Variants in CCR1 observed in about 807,000 individuals in gnomAD.
The protein encoded by CCR1 is C-C chemokine receptor type 1.
A neutral mutation model predicts 0.3 loss-of-function variants in CCR1; 1 was observed. The observed-to-expected ratio is 3.70, with a 90% CI of 1.31 to 17.54. The LOEUF (loss-of-function observed/expected upper bound fraction) is 17.54. Ranked by LOEUF, CCR1 falls within the 30% of genes most tolerant of loss-of-function variation. The pLI is 0.11. For synonymous variants in CCR1, 207 were observed against 182.5 expected (o/e 1.13, Z -1.08); for missense variants, 349 against 435.4 (o/e 0.80, Z 1.77).
chr3:46,205,566 T>C (rs951835015), intron 1 of CCR1, among the ~76,000 whole-genome samples: 3 of 152,214 alleles, frequency 2.0e-5, no homozygotes, highest in African/African-American at 7.2e-5. Flanking sequence ...ACTTGAATCC[T>C]TTCCAGTTGC....
In CCR1 at chr3:46,203,300, C is replaced by T. The variant is rs150288365; in HGVS notation, c.1014G>A (p.Arg338=). The part of the protein sequence containing the change: ...LPFLSVDRLE[R]VSSTSPSTGE... ...CTGTGGAGGGAGATGTGGAGCTGAC[C>T]CTCTCCAGCCTGTCCACGGAGAGGA... The change falls in exon 2 of 2, where the codon AGG becomes AGA. Residue 338 remains arginine (R), a synonymous_variant. Coordinates refer to ENST00000296140, the MANE Select transcript of CCR1 (RefSeq NM_001295.3). The surrounding 1 kb of genome is among the most constrained non-coding windows in gnomAD (Gnocchi z 4.5). 3.6e-4 allele frequency: 574 copies of T among 1,614,124 alleles called. 4 individuals are homozygous for T. In the African/African-American group the frequency reaches 6.7e-3, roughly 19 times the overall value.
chr3:46,204,270 T>A lies in CCR1; in HGVS notation c.44A>T (p.Glu15Val), dbSNP rs1699627224. The A allele has an allele frequency of 6.2e-7, 1 of 1,612,140 alleles. No individual in the cohort carries two copies. Among genetic ancestry groups the A allele is most frequent in the Non-Finnish European group, 8.5e-7 (1 of 1,179,212 alleles). The part of the protein sequence containing the change: ...NTTEDYDTTT[E>V]FDYGDATPCQ... Reference sequence around the variant, plus strand: ...CGGAGTTGCATCCCCATAGTCAAACTCTGTGGTCGTGTCATAGTCCTCTGT... The same window carrying A: ...CGGAGTTGCATCCCCATAGTCAAACACTGTGGTCGTGTCATAGTCCTCTGT... The change falls in exon 2 of 2, where the codon GAG (glutamate) becomes GTG (valine). Residue 15 changes from glutamate (E) to valine (V), a missense_variant. Coordinates refer to ENST00000296140, the MANE Select transcript of CCR1 (RefSeq NM_001295.3).
At position 46,207,117 on chromosome 3, in the gene CCR1, G is replaced by A. The variant is rs571907155; in HGVS notation, c.-12+1165C>T. On this transcript the variant is annotated intron_variant, in intron 1 of 1. Transcript: ENST00000296140. ...GAAAATCAACAAATGTTATAAAGCAGGGATCTTTTCTTCAGAAGAGTCAGT... is the reference window on the plus strand; with the variant it reads ...GAAAATCAACAAATGTTATAAAGCAAGGATCTTTTCTTCAGAAGAGTCAGT... 2.3e-4 allele frequency among the ~76,000 whole-genome samples: 35 copies of A among 152,300 alleles called. No homozygotes were observed. The South Asian group carries it at 7.1e-3, about 31-fold the overall frequency.
Position 46,202,553 on chromosome 3 carries a change from T to G in CCR1, c.*693A>C, listed in dbSNP as rs1416609511. 1.3e-5 allele frequency: 2 copies of G among 152,200 alleles called. No homozygotes were observed. Among genetic ancestry groups the G allele is most frequent in the Non-Finnish European group, 1.5e-5 (1 of 68,040 alleles). 9.4% of individuals were successfully genotyped at this position (152,200 alleles called of 1,614,324 possible). ...TTGATTTTAGTGGATATAAAAATTC[T>G]TCCTAAGGGCTTTCTTAGTTCCACT... is the stretch of plus-strand genomic sequence containing the variant. On this transcript the variant is annotated 3_prime_UTR_variant, in exon 2 of 2. Transcript: ENST00000296140.
In CCR1 at chr3:46,203,476, C is replaced by G. The variant is rs1156985032; in HGVS notation, c.838G>C (p.Asp280His). The change falls in exon 2 of 2, where the codon GAC becomes CAC. Residue 280 changes from aspartate to histidine, a missense_variant. Asp to His is a moderately conservative substitution (Grantham distance 81, BLOSUM62 -1). Transcript: ENST00000296140. This position sits in a 1 kb window ranked among gnomAD's most constrained non-coding sequence, Gnocchi z 4.5. ...ACCTCCGTCACTTGCACAGCCAGGTCCAAATGTCTGCTCTGCTCACACTCA... is the reference window on the plus strand; with the variant it reads ...ACCTCCGTCACTTGCACAGCCAGGTGCAAATGTCTGCTCTGCTCACACTCA... ...THECEQSRHLDLAVQVTEVIA... is the reference protein window; with the variant it reads ...THECEQSRHLHLAVQVTEVIA... The G allele has an allele frequency of 6.2e-7, 1 of 1,614,120 alleles. No individual in the cohort carries two copies. Among genetic ancestry groups the G allele is most frequent in the Non-Finnish European group, 8.5e-7 (1 of 1,180,030 alleles).
In CCR1 at chr3:46,203,073, GC is replaced by G; in HGVS notation, c.*172del. 3.6e-6 allele frequency: 2 copies of G among 552,268 alleles called. No homozygotes were observed. Among genetic ancestry groups the G allele is most frequent in the Non-Finnish European group, 6.4e-6 (2 of 311,942 alleles). The allele number at this position is 552,268 out of a possible 1,614,324, so 34.2% of individuals were successfully genotyped here. A position where few individuals can be genotyped will look rare whatever the true frequency, so the allele number is the denominator to read the frequency against. On this transcript the variant is annotated 3_prime_UTR_variant, in exon 2 of 2. Coordinates refer to ENST00000296140, the MANE Select transcript of CCR1 (RefSeq NM_001295.3). The surrounding 1 kb of genome is among the most constrained non-coding windows in gnomAD (Gnocchi z 4.5). ...GGAGAAGTTCATGGAAAAGACTGAAGCCCCAGAAGCCTCAGAAGCCCCAGGC... is the reference window on the plus strand; with the variant it reads ...GGAGAAGTTCATGGAAAAGACTGAAGCCCAGAAGCCTCAGAAGCCCCAGGC...
Position 46,203,679 on chromosome 3 carries a change from A to G in CCR1, c.635T>C (p.Leu212Ser), listed in dbSNP as rs1294418724. 6.2e-7 allele frequency: 1 copy of G among 1,614,220 alleles called. No homozygotes were observed. Among genetic ancestry groups the G allele is most frequent in the Non-Finnish European group, 8.5e-7 (1 of 1,180,030 alleles). Residue 212 changes from leucine (L) to serine (S), a missense_variant, in exon 2 of 2, where the codon TTG becomes TCG. Transcript: ENST00000296140. The surrounding 1 kb of genome is among the most constrained non-coding windows in gnomAD (Gnocchi z 4.5). ...TGTGTAGCAGATGATCATGACCAAC[A>G]AAGGCAATACCAGCCCAAAGAGGTT... ...KLNLFGLVLPLLVMIICYTGI... is the reference protein window; with the variant it reads ...KLNLFGLVLPSLVMIICYTGI...
intron 1 of CCR1, among the ~76,000 whole-genome samples, chr3:46,205,659 C>T (rs1699641561): frequency 6.6e-6 from 1 of 152,152 alleles, no homozygotes; most frequent in South Asian, 2.1e-4. Context: ...TATTTTACCT[C>T]TCTGAGCTTC....
chr3:46,206,522 T>C (rs1304147379), intron 1 of CCR1, among the ~76,000 whole-genome samples: 2 of 152,206 alleles, frequency 1.3e-5, no homozygotes, highest in Non-Finnish European at 2.9e-5. Context: ...AGTGGAAGTA[T>C]GCAAATAGCT....
chr3:46,205,153 G>A (rs1699635832), intron 1 of CCR1, among the ~76,000 whole-genome samples: 1 of 152,152 alleles, frequency 6.6e-6, no homozygotes, highest in South Asian at 2.1e-4. Context: ...AAACACCAGT[G>A]GTGTTGCCAT....
intron 1 of CCR1, among the ~76,000 whole-genome samples, chr3:46,204,589 A>C (rs978707595): frequency 2.0e-4 from 30 of 152,190 alleles, no homozygotes; most frequent in African/African-American, 7.2e-4. Flanking sequence ...TCATTTCAGC[A>C]AAGAGTTTTG....
At chr3:46,206,885 C>T (rs542957132) in intron 1 of CCR1, among the ~76,000 whole-genome samples, 108 of 152,322 alleles carry the variant, frequency 7.1e-4, no homozygotes, top group Non-Finnish European at 1.2e-3. Flanking sequence ...ATCCTGGACC[C>T]TCCACTGCTA....
At position 46,203,737 on chromosome 3, in the gene CCR1, G is replaced by T; in HGVS notation, c.577C>A (p.Arg193=). 1 of 1,614,144 alleles carries T rather than the reference G, an allele frequency of 6.2e-7. No individual in the cohort carries two copies. The highest frequency in any genetic ancestry group is 2.2e-5 in the East Asian group (1 of 44,872). ...CSLHFPHESL[R]EWKLFQALKL... ...AGAGCCTGAAACAGCTTCCACTCTCGTAGGCTTTCGTGAGGAAAGTGAAGG... is the reference window on the plus strand; with the variant it reads ...AGAGCCTGAAACAGCTTCCACTCTCTTAGGCTTTCGTGAGGAAAGTGAAGG... The change falls in exon 2 of 2, where the codon CGA becomes AGA. Residue 193 remains arginine, a synonymous_variant. Transcript: ENST00000296140. This position sits in a 1 kb window ranked among gnomAD's most constrained non-coding sequence, Gnocchi z 4.5.
chr3:46,202,567 C>T lies in CCR1; in HGVS notation c.*679G>A, dbSNP rs1390393968. On this transcript the variant is annotated 3_prime_UTR_variant, in exon 2 of 2. Coordinates refer to ENST00000296140, the MANE Select transcript of CCR1 (RefSeq NM_001295.3). ...TATAAAAATTCTTCCTAAGGGCTTT[C>T]TTAGTTCCACTGCCAGCAGTAGTTC... 1 of 152,134 alleles carries T rather than the reference C, an allele frequency of 6.6e-6. No homozygotes were observed. The highest frequency in any genetic ancestry group is 1.5e-5 in the Non-Finnish European group (1 of 68,028). The allele number at this position is 152,134 out of a possible 1,614,324, so 9.4% of individuals were successfully genotyped here.
In CCR1 at chr3:46,203,384, C is replaced by T; in HGVS notation, c.930G>A (p.Lys310=). 1.9e-6 allele frequency: 3 copies of T among 1,614,186 alleles called. No homozygotes were observed. Among genetic ancestry groups the T allele is most frequent in the South Asian group, 1.1e-5 (1 of 91,084 alleles). ...GCCTGTGGAACAACTGCCGCAGGTA[C>T]TTCCGGAACCTCTCACCAACGAAGG... ...IYAFVGERFR[K]YLRQLFHRRV... Residue 310 remains lysine (K), a synonymous_variant, in exon 2 of 2, where the codon AAG becomes AAA. Transcript: ENST00000296140. The surrounding 1 kb of genome is among the most constrained non-coding windows in gnomAD (Gnocchi z 4.5).
chr3:46,204,334 A>T lies in CCR1; in HGVS notation c.-11-10T>A. 3.4e-5 allele frequency: 6 copies of T among 176,888 alleles called. No homozygotes were observed. The highest frequency in any genetic ancestry group is 4.3e-5 in the Non-Finnish European group (5 of 117,504). 11.0% of individuals were successfully genotyped at this position (176,888 alleles called of 1,614,324 possible). On this transcript the variant is annotated splice_polypyrimidine_tract_variant and intron_variant, in intron 1 of 1. Coordinates refer to ENST00000296140, the MANE Select transcript of CCR1 (RefSeq NM_001295.3). Reference sequence around the variant, plus strand: ...TCCATCCCGGCTTCTCCTACAGGTTAAAAAAAAAAAAAAGATTTGTCTTTA... The same window carrying T: ...TCCATCCCGGCTTCTCCTACAGGTTTAAAAAAAAAAAAAGATTTGTCTTTA...
chr3:46,205,601 G>T (rs899571827), intron 1 of CCR1, among the ~76,000 whole-genome samples: 2 of 152,150 alleles, frequency 1.3e-5, no homozygotes, highest in Non-Finnish European at 2.9e-5. Flanking sequence ...TCCCCAAATG[G>T]AGCATTGGCT....
Position 46,203,875 on chromosome 3 carries a change from C to T in CCR1, c.439G>A (p.Val147Ile), listed in dbSNP as rs200629341. 41 of 1,614,070 alleles carry T rather than the reference C, an allele frequency of 2.5e-5. No homozygotes were observed. Among genetic ancestry groups the T allele is most frequent in the Non-Finnish European group, 2.9e-5 (34 of 1,180,050 alleles). The change falls in exon 2 of 2, where the codon GTC becomes ATC. Residue 147 changes from valine (V) to isoleucine (I), a missense_variant. Coordinates refer to ENST00000296140, the MANE Select transcript of CCR1 (RefSeq NM_001295.3). The surrounding 1 kb of genome is among the most constrained non-coding windows in gnomAD (Gnocchi z 4.5). Reference protein sequence around the residue: ...HAVFALRARTVTFGVITSIII... With the variant: ...HAVFALRARTITFGVITSIII... ...ATGCTGGTGATGACACCAAAAGTGA[C>T]GGTCCGTGCCCGCAAGGCAAACACG...
Position 46,202,833 on chromosome 3 carries a change from C to G in CCR1, c.*413G>C, listed in dbSNP as rs114199573. The G allele has an allele frequency of 1.1e-3, 171 of 155,180 alleles. No individual in the cohort carries two copies. Among genetic ancestry groups the G allele is most frequent in the African/African-American group, 3.9e-3 (160 of 41,502 alleles). The allele number at this position is 155,180 out of a possible 1,614,324, so 9.6% of individuals were successfully genotyped here. A position where few individuals can be genotyped will look rare whatever the true frequency, so the allele number is the denominator to read the frequency against. The stretch of plus-strand genomic sequence containing the variant: ...AGAAATTCCTCATACATCAGTGTCT[C>G]CCATGGCTTAGGAGCTCACTTTGAA... On this transcript the variant is annotated 3_prime_UTR_variant, in exon 2 of 2. Coordinates refer to ENST00000296140, the MANE Select transcript of CCR1 (RefSeq NM_001295.3).
Sources: allele counts gnomAD v4.1 joint callset (sites outside exome capture counted in the v4.1 genomes callset), GRCh38; gene constraint gnomAD v4.1.1; non-coding constraint Gnocchi (gnomAD v3.1); transcripts MANE v1.5; gene names NCBI Gene and HGNC (gene_info 2026-07-23, HGNC 2026-07-21).